Variants in RIC1 observed in about 807,000 individuals in gnomAD.
RIC1 encodes RIC1 partner of RAB6A GEF complex.
A neutral mutation model predicts 169.0 loss-of-function variants in RIC1; 88 were observed. That is an observed-to-expected ratio of 0.52 (90% CI 0.44 to 0.62). The LOEUF is 0.62. RIC1 is among the 20% of genes least tolerant of loss of function. RIC1 has a pLI of 0.00. For missense variants in RIC1, 1,877 were observed against 1,725.5 expected (o/e 1.09, Z -1.56); for synonymous variants, 790 against 601.5 (o/e 1.31, Z -4.59).
intron 23 of RIC1, among the ~76,000 whole-genome samples, chr9:5,770,781 T>C (rs1586732438): frequency 6.6e-6 from 1 of 152,364 alleles, no homozygotes; most frequent in East Asian, 1.9e-4. Flanking sequence ...ATTTTGCCTC[T>C]TGGCCTTAAA....
At chr9:5,640,993 T>C (rs1295280331) in intron 1 of RIC1, among the ~76,000 whole-genome samples, 5 of 152,076 alleles carry the variant, frequency 3.3e-5, no homozygotes, top group South Asian at 4.1e-4. Flanking sequence ...CTCTATTGTA[T>C]GTTATTTGTT....
Position 5,656,690 on chromosome 9 carries a change from A to G in RIC1, c.252A>G (p.Ser84=), listed in dbSNP as rs1190112297. ...CAGATAGTACCATGATAGCTGTATC[A>G]GTAAGTAGATTTTACCGCTAAATAG... ...WRPDSTMIAV[S]TANGYILFFH... is the part of the protein sequence containing the mutation. Residue 84 remains serine (S), a splice_region_variant and synonymous_variant, in exon 2 of 26, where the codon TCA becomes TCG. Transcript: ENST00000414202. 7 of 1,550,430 alleles carry G rather than the reference A, an allele frequency of 4.5e-6. No individual in the cohort carries two copies. In the South Asian group the frequency reaches 5.7e-5, roughly 13 times the overall value.
At chr9:5,713,826 T>A in intron 3 of RIC1, 70 bp from the exon 4 acceptor site, 1 of 863,466 alleles carries the variant, frequency 1.2e-6, no homozygotes, top group Non-Finnish European at 1.9e-6. Context: ...TTTATTTGAT[T>A]GTATGTGTAT....
At chr9:5,657,336 C>T (rs1042891325) in intron 2 of RIC1, among the ~76,000 whole-genome samples, 1 of 151,982 alleles carries the variant, frequency 6.6e-6, no homozygotes. Flanking sequence ...TCATCACTGT[C>T]TAAGGCTGTC....
In RIC1 at chr9:5,763,199, T is replaced by C; in HGVS notation, c.2172T>C (p.Cys724=). Residue 724 remains cysteine, a synonymous_variant, in exon 19 of 26, where the codon TGT becomes TGC. Coordinates refer to ENST00000414202, the MANE Select transcript of RIC1 (RefSeq NM_020829.4). The surrounding 1 kb of genome is among the most constrained non-coding windows in gnomAD (Gnocchi z 5.2). ...AQSVENVWTT[C]RANKQKRHLL... is the part of the protein sequence containing the mutation. ...CTGTTGAAAATGTCTGGACAACGTGTCGAGCAAATAAACAGAAACGTCACC... is the reference window on the plus strand; with the variant it reads ...CTGTTGAAAATGTCTGGACAACGTGCCGAGCAAATAAACAGAAACGTCACC... 1.9e-6 allele frequency: 3 copies of C among 1,614,110 alleles called. No homozygotes were observed. Among genetic ancestry groups the C allele is most frequent in the Non-Finnish European group, 2.5e-6 (3 of 1,179,988 alleles).
chr9:5,727,482 G>C (rs895951108), intron 6 of RIC1, among the ~76,000 whole-genome samples: 1 of 152,136 alleles, frequency 6.6e-6, no homozygotes, highest in Non-Finnish European at 1.5e-5. Flanking sequence ...ATGGGTTCGA[G>C]CATCCTTCTT....
rs1827047747 is a variant in RIC1, at chr9:5,769,461, T to C, written c.3424+205T>C. The C allele has an allele frequency of 3.4e-6, 5 of 1,468,458 alleles. No individual in the cohort carries two copies. In the East Asian group the frequency reaches 1.2e-4, roughly 36 times the overall value. The allele number at this position is 1,468,458 out of a possible 1,614,324, so 91.0% of individuals were successfully genotyped here. On this transcript the variant is annotated intron_variant, in intron 22 of 25. Coordinates refer to ENST00000414202, the MANE Select transcript of RIC1 (RefSeq NM_020829.4). ...GTAGAACCTATGTCTCTAAGTCTTGTGACCTTGAAGTCTAATTCAAAAATC... is the reference window on the plus strand; with the variant it reads ...GTAGAACCTATGTCTCTAAGTCTTGCGACCTTGAAGTCTAATTCAAAAATC...
At chr9:5,766,579 T>G (rs886460455) in intron 21 of RIC1, among the ~76,000 whole-genome samples, 1 of 152,176 alleles carries the variant, frequency 6.6e-6, no homozygotes, top group Non-Finnish European at 1.5e-5. Flanking sequence ...CTCCCACATA[T>G]CAGTGAGAAC....
chr9:5,752,277 AAGTC>A (rs1351811048), intron 12 of RIC1, among the ~76,000 whole-genome samples: 1 of 152,202 alleles, frequency 6.6e-6, no homozygotes, highest in Non-Finnish European at 1.5e-5. Context: ...GTAGATAAGT[AAGTC>A]AAATACCCCA....
chr9:5,721,864 T>G (rs1055876449), intron 6 of RIC1, among the ~76,000 whole-genome samples: 1 of 152,106 alleles, frequency 6.6e-6, no homozygotes, highest in Admixed American at 6.6e-5. Context: ...ATATTAGCTG[T>G]TCTGTTCATT....
chr9:5,705,217 G>A (rs1030887508), intron 3 of RIC1, among the ~76,000 whole-genome samples: 20 of 94,600 alleles, frequency 2.1e-4, no homozygotes, highest in Middle Eastern at 5.2e-3. Context: ...TTTTTTAAAA[G>A]AACATTGGGA....
At chr9:5,631,418 C>G (rs576909804) in intron 1 of RIC1, among the ~76,000 whole-genome samples, 3 of 152,208 alleles carry the variant, frequency 2.0e-5, no homozygotes, top group African/African-American at 7.2e-5. Context: ...AGTGGTTAAC[C>G]TTGGTCTCTG....
chr9:5,773,926 C>A, intron 25 of RIC1, 32 bp from the exon 26 acceptor site: 6 of 1,525,962 alleles, frequency 3.9e-6, no homozygotes, highest in Non-Finnish European at 5.3e-6. Flanking sequence ...TGAATTATGG[C>A]AGATGAGCTA....
chr9:5,749,392 G>C (rs771571215), intron 12 of RIC1, among the ~76,000 whole-genome samples: 12 of 152,120 alleles, frequency 7.9e-5, no homozygotes, highest in Admixed American at 7.2e-4. Context: ...AAACTTTTAC[G>C]TTCTAGGCTT....
chr9:5,693,655 G>C, intron 3 of RIC1, among the ~76,000 whole-genome samples: 1 of 152,048 alleles, frequency 6.6e-6, no homozygotes, highest in East Asian at 1.9e-4. Context: ...GAAACTTCCA[G>C]GGATAAGTCA....
chr9:5,746,251 T>C (rs1231738746), intron 11 of RIC1, among the ~76,000 whole-genome samples, 168 bp downstream of exon 11: 4 of 152,176 alleles, frequency 2.6e-5, no homozygotes, highest in African/African-American at 9.6e-5. Flanking sequence ...AAAATTTTAT[T>C]TCTCAACGGG....
chr9:5,699,723 A>G (rs2146713), intron 3 of RIC1, among the ~76,000 whole-genome samples: 41,540 of 152,026 alleles, frequency 0.27, 6,596 homozygotes, highest in East Asian at 0.61. Flanking sequence ...GATTTTTGCA[A>G]TAATCTGAGA....
At chr9:5,638,488 G>T (rs1303297237) in intron 1 of RIC1, among the ~76,000 whole-genome samples, 1 of 152,094 alleles carries the variant, frequency 6.6e-6, no homozygotes, top group African/African-American at 2.4e-5. Flanking sequence ...TTCTTTACTG[G>T]GAGACTTTTT....
intron 6 of RIC1, 130 bp downstream of exon 6, chr9:5,720,880 C>CAT: frequency 1.3e-6 from 1 of 796,904 alleles, no homozygotes; most frequent in Non-Finnish European, 1.9e-6. Context: ...TCAAACCAAA[C>CAT]ATATAAATAG....
Sources: allele counts gnomAD v4.1 joint callset (sites outside exome capture counted in the v4.1 genomes callset), GRCh38; gene constraint gnomAD v4.1.1; non-coding constraint Gnocchi (gnomAD v3.1); transcripts MANE v1.5; gene names NCBI Gene and HGNC (gene_info 2026-07-23, HGNC 2026-07-21).